Variants in ST8SIA2 observed in about 807,000 individuals in gnomAD.
ST8SIA2 encodes the protein ST8 alpha-N-acetyl-neuraminide alpha-2,8-sialyltransferase 2, also known as alpha-2,8-sialyltransferase 8B.
In ST8SIA2, 22 loss-of-function variants were observed where a neutral mutation model predicts 37.6. That is an observed-to-expected ratio of 0.58 (90% confidence interval 0.42 to 0.83). The LOEUF (loss-of-function observed/expected upper bound fraction) is 0.83, where lower values mean the gene tolerates loss of function less well. Ranked by LOEUF, ST8SIA2 falls within the 40% of genes least tolerant of loss-of-function variation. The pLI is 0.00. For missense variants in ST8SIA2, 382 were observed against 484.7 expected, an observed-to-expected ratio of 0.79 and a Z score of 1.99; for synonymous variants, 205 against 201.2, an observed-to-expected ratio of 1.02 and a Z score of -0.16.
intron 1 of ST8SIA2, among the ~76,000 whole-genome samples, chr15:92,397,389 A>G (rs138441931): frequency 1.2e-3 from 181 of 152,308 alleles, no homozygotes; most frequent in Admixed American, 3.8e-3. Flanking sequence ...TTTCTGAGAC[A>G]CACATCTCTT....
chr15:92,455,244 G>A (rs2049911936), intron 5 of ST8SIA2, among the ~76,000 whole-genome samples: 1 of 152,094 alleles, frequency 6.6e-6, no homozygotes, highest in Non-Finnish European at 1.5e-5. Flanking sequence ...GTTGACAGAG[G>A]GTGAGGTGAA....
intron 1 of ST8SIA2, among the ~76,000 whole-genome samples, chr15:92,423,279 G>A (rs543168174): frequency 2.0e-5 from 3 of 152,282 alleles, no homozygotes; most frequent in South Asian, 4.2e-4. Context: ...GTTAAGATGG[G>A]CCAGGCGCAG....
intron 5 of ST8SIA2, among the ~76,000 whole-genome samples, chr15:92,451,663 A>G (rs1308333117): frequency 6.6e-6 from 1 of 152,220 alleles, no homozygotes; most frequent in African/African-American, 2.4e-5. Flanking sequence ...CAGGACATGT[A>G]GGAAAACAGC....
intron 5 of ST8SIA2, among the ~76,000 whole-genome samples, chr15:92,451,950 G>A (rs1446605149): frequency 6.6e-6 from 1 of 152,158 alleles, no homozygotes; most frequent in Non-Finnish European, 1.5e-5. Context: ...AGGCCAGGAT[G>A]GGTTTGAGTT....
At chr15:92,424,823 G>C (rs1309828104) in intron 1 of ST8SIA2, among the ~76,000 whole-genome samples, 1 of 152,058 alleles carries the variant, frequency 6.6e-6, no homozygotes, top group African/African-American at 2.4e-5. Flanking sequence ...TGTTGGCCAG[G>C]CTGGTCTCAA....
Position 92,466,719 on chromosome 15 carries a change from G to A in ST8SIA2, c.*2334G>A, listed in dbSNP as rs1331270187. ...CTCTGGAGAAAGGTTAGAGACCCCA[G>A]GACAATCAACATGTGCACCGTTCCC... On this transcript the variant is annotated 3_prime_UTR_variant, in exon 6 of 6. Coordinates refer to ENST00000268164, the MANE Select transcript of ST8SIA2 (RefSeq NM_006011.4). 1.3e-5 allele frequency: 2 copies of A among 152,268 alleles called. No homozygotes were observed. The highest frequency in any genetic ancestry group is 4.8e-5 in the African/African-American group (2 of 41,432). The allele number at this position is 152,268 out of a possible 1,614,324, so 9.4% of individuals were successfully genotyped here. A position where few individuals can be genotyped will look rare whatever the true frequency, so the allele number is the denominator to read the frequency against.
At chr15:92,458,732 G>A (rs559924349) in intron 5 of ST8SIA2, among the ~76,000 whole-genome samples, 2 of 152,286 alleles carry the variant, frequency 1.3e-5, no homozygotes, top group African/African-American at 4.8e-5. Context: ...TGGTGCACGG[G>A]TGACCACAGC....
chr15:92,417,267 G>A (rs1181147562), intron 1 of ST8SIA2, among the ~76,000 whole-genome samples: 1 of 152,230 alleles, frequency 6.6e-6, no homozygotes, highest in Non-Finnish European at 1.5e-5. Flanking sequence ...GGCTTCCTGA[G>A]TGGTAACCAC....
chr15:92,397,001 C>G (rs538262898), intron 1 of ST8SIA2, among the ~76,000 whole-genome samples: 1 of 152,128 alleles, frequency 6.6e-6, no homozygotes, highest in Non-Finnish European at 1.5e-5. Flanking sequence ...CAACTCACTC[C>G]GGACCTGTGC....
intron 1 of ST8SIA2, among the ~76,000 whole-genome samples, chr15:92,409,967 C>T (rs1047962360): frequency 2.0e-5 from 3 of 152,150 alleles, no homozygotes; most frequent in South Asian, 4.1e-4. Flanking sequence ...GGTGGGGGAG[C>T]GAGTTGTGTA....
chr15:92,403,344 C>G (rs2049484970), intron 1 of ST8SIA2, among the ~76,000 whole-genome samples: 1 of 152,264 alleles, frequency 6.6e-6, no homozygotes, highest in African/African-American at 2.4e-5. Flanking sequence ...ATGCCTCCTG[C>G]CCTGGGCCTC....
chr15:92,428,735 G>A (rs748495670), intron 1 of ST8SIA2, among the ~76,000 whole-genome samples: 3 of 152,156 alleles, frequency 2.0e-5, no homozygotes, highest in African/African-American at 4.8e-5. Context: ...AAGACCCAAC[G>A]TTACTCTTTG....
intron 1 of ST8SIA2, among the ~76,000 whole-genome samples, chr15:92,401,121 T>A (rs1331183558): frequency 2.6e-5 from 4 of 151,370 alleles, no homozygotes; most frequent in African/African-American, 4.9e-5. Flanking sequence ...TAGAGACAGT[T>A]GGGAGGATAC....
chr15:92,441,216 G>A (rs1227768868), intron 4 of ST8SIA2, among the ~76,000 whole-genome samples: 5 of 152,162 alleles, frequency 3.3e-5, no homozygotes, highest in Admixed American at 6.5e-5. Flanking sequence ...AGTCCTGGTG[G>A]GACACATGGC....
chr15:92,452,848 C>G (rs564336567), intron 5 of ST8SIA2, among the ~76,000 whole-genome samples: 61 of 152,178 alleles, frequency 4.0e-4, no homozygotes, highest in South Asian at 2.1e-3. Context: ...AATTAAGGCT[C>G]AGAAATGCAA....
intron 2 of ST8SIA2, among the ~76,000 whole-genome samples, chr15:92,432,010 T>G (rs2049719358): frequency 6.6e-6 from 1 of 151,376 alleles, no homozygotes; most frequent in Non-Finnish European, 1.5e-5. Context: ...TTCCTGGAGG[T>G]TTCCAAGCAG....
intron 3 of ST8SIA2, 150 bp from the exon 4 acceptor site, chr15:92,438,203 T>C: frequency 8.4e-7 from 1 of 1,194,226 alleles, no homozygotes; most frequent in East Asian, 2.3e-5. Context: ...GGCTGGAACC[T>C]GTTCTCGAGG....
intron 1 of ST8SIA2, among the ~76,000 whole-genome samples, chr15:92,408,665 G>C (rs1461982900): frequency 6.6e-6 from 1 of 150,664 alleles, no homozygotes; most frequent in Non-Finnish European, 1.5e-5. Flanking sequence ...GAAATCCACT[G>C]AGTTCCATTT....
intron 5 of ST8SIA2, 111 bp from the exon 6 acceptor site, chr15:92,463,989 T>TG (rs2049974098): frequency 4.9e-6 from 7 of 1,441,666 alleles, no homozygotes; most frequent in Middle Eastern, 2.5e-4. Context: ...GATCGGTCCC[T>TG]GGAGTGGCAG....
Sources: allele counts gnomAD v4.1 joint callset (sites outside exome capture counted in the v4.1 genomes callset), GRCh38; gene constraint gnomAD v4.1.1; transcripts MANE v1.5; gene names NCBI Gene and HGNC (gene_info 2026-07-23, HGNC 2026-07-21).